PPARG: variants seen among roughly 807,000 people sequenced by gnomAD.
PPARG encodes peroxisome proliferator activated receptor gamma.
A neutral mutation model predicts 39.2 loss-of-function variants in PPARG; 17 were observed. That is an observed-to-expected ratio of 0.43 (90% CI 0.30 to 0.65). The LOEUF is 0.65. Among genes scored for constraint, PPARG ranks in the 30% least tolerant of loss-of-function variants. The probability of loss-of-function intolerance (pLI) is 0.13; values close to 1 mark genes in which losing one functional copy is unlikely to be tolerated. For missense variants in PPARG, 406 were observed against 585.9 expected, an observed-to-expected ratio of 0.69 and a Z score of 3.17; for synonymous variants, 223 against 215.7, an observed-to-expected ratio of 1.03 and a Z score of -0.30.
chr3:12,379,954 T>G (rs2049581065), intron 3 of PPARG, 23 bp downstream of exon 3: 1 of 1,552,866 alleles, frequency 6.4e-7, no homozygotes, highest in South Asian at 1.1e-5. Context: ...TTTTCACTTT[T>G]CAGACTACTA....
chr3:12,415,891 A>G (rs1559532667), intron 6 of PPARG, among the ~76,000 whole-genome samples: 1 of 152,240 alleles, frequency 6.6e-6, no homozygotes, highest in East Asian at 1.9e-4. Context: ...CGGAAAAGTT[A>G]TTACCTGTGA....
At chr3:12,419,994 TA>T (rs2051207488) in intron 7 of PPARG, among the ~76,000 whole-genome samples, 1 of 152,186 alleles carries the variant, frequency 6.6e-6, no homozygotes, top group Non-Finnish European at 1.5e-5. Context: ...CAGAAAGGTA[TA>T]AGTGAAAAGT....
chr3:12,319,315 A>C (rs2047474602), intron 2 of PPARG, among the ~76,000 whole-genome samples: 1 of 152,216 alleles, frequency 6.6e-6, no homozygotes, highest in Admixed American at 6.5e-5. Context: ...TAAAATAAGA[A>C]ATCTAAGGGA....
chr3:12,292,396 G>A (rs752012827), intron 1 of PPARG, among the ~76,000 whole-genome samples: 25 of 152,068 alleles, frequency 1.6e-4, no homozygotes, highest in Non-Finnish European at 3.2e-4. Context: ...GAGCAAGTTC[G>A]TTTTATAATG....
At chr3:12,356,530 C>T (rs1255400406) in intron 2 of PPARG, among the ~76,000 whole-genome samples, 1 of 152,224 alleles carries the variant, frequency 6.6e-6, no homozygotes, top group African/African-American at 2.4e-5. Flanking sequence ...TATTCCTCAT[C>T]ACCTCATGCC....
At chr3:12,339,802 G>C (rs1575018929) in intron 2 of PPARG, among the ~76,000 whole-genome samples, 1 of 152,202 alleles carries the variant, frequency 6.6e-6, no homozygotes, top group Non-Finnish European at 1.5e-5. Context: ...TCTGTTATCT[G>C]TGAATCTCTA....
chr3:12,295,544 G>A (rs748069787), intron 1 of PPARG, among the ~76,000 whole-genome samples: 10 of 147,142 alleles, frequency 6.8e-5, no homozygotes, highest in African/African-American at 1.3e-4. Context: ...ATGGAGTTTC[G>A]CTCTTGTTGC....
rs530109527 is a variant in PPARG at position 12,366,873 on chromosome 3, TG to T, written c.-8-12830del. Among the ~76,000 whole-genome samples the T allele has an allele frequency of 8.1e-4, 123 of 152,304 alleles. 1 individual carries two copies. Among genetic ancestry groups the T allele is most frequent in the African/African-American group, 2.9e-3 (120 of 41,572 alleles). On this transcript the variant is annotated intron_variant, in intron 2 of 7. Coordinates refer to ENST00000651735, the MANE Select transcript of PPARG (RefSeq NM_138711.6). ...TAGGGTTTATTTTCCTTGTAATGTCTGTTTTGTTTTAGTATTAGGGTAATTC... is the reference window on the plus strand; with the variant it reads ...TAGGGTTTATTTTCCTTGTAATGTCTTTTTGTTTTAGTATTAGGGTAATTC...
At chr3:12,309,534 G>A (rs1163153705) in intron 1 of PPARG, among the ~76,000 whole-genome samples, 3 of 152,126 alleles carry the variant, frequency 2.0e-5, no homozygotes, top group Admixed American at 6.6e-5. Context: ...TCAGTGTTAT[G>A]ACACTCCAGA....
chr3:12,406,938 C>T (rs556871058), intron 6 of PPARG: 1 of 152,356 alleles, frequency 6.6e-6, no homozygotes, highest in East Asian at 1.9e-4. Context: ...CTTCAGTGGA[C>T]TCTCCAACAT....
intron 2 of PPARG, chr3:12,371,754 A>T: frequency 1.9e-6 from 1 of 536,514 alleles, no homozygotes; most frequent in South Asian, 1.6e-5. Flanking sequence ...GTCAGCCTCT[A>T]GCTCACCAGG....
Position 12,433,970 on chromosome 3 carries a change from A to G in PPARG, c.1253A>G (p.Gln418Arg). Residue 418 changes from glutamine (Q) to arginine (R), a missense_variant, in exon 8 of 8, where the codon CAG (glutamine) becomes CGG (arginine). Gln to Arg is a conservative substitution (Grantham distance 43, BLOSUM62 1). Transcript: ENST00000651735. ...AACCTGCTACAAGCCCTGGAGCTCC[A>G]GCTGAAGCTGAACCACCCTGAGTCC... ...QDNLLQALEL[Q>R]LKLNHPESSQ... 6.2e-7 allele frequency: 1 copy of G among 1,614,244 alleles called. No individual in the cohort carries two copies. Among genetic ancestry groups the G allele is most frequent in the Non-Finnish European group, 8.5e-7 (1 of 1,180,040 alleles).
intron 4 of PPARG, among the ~76,000 whole-genome samples, chr3:12,383,323 A>AT (rs1256923680): frequency 6.6e-6 from 1 of 152,252 alleles, no homozygotes; most frequent in African/African-American, 2.4e-5. Context: ...AAGTTAAAAT[A>AT]TTTATGACCT....
Position 12,416,988 on chromosome 3 carries a change from C to T in PPARG, c.1014C>T (p.Leu338=), listed in dbSNP as rs1575141571. 1.9e-6 allele frequency: 3 copies of T among 1,614,006 alleles called. No homozygotes were observed. Among genetic ancestry groups the T allele is most frequent in the East Asian group, 2.2e-5 (1 of 44,864 alleles). ...LASLMNKDGV[L]ISEGQGFMTR... ...CCTTGATGAATAAAGATGGGGTTCT[C>T]ATATCCGAGGGCCAAGGCTTCATGA... The change falls in exon 7 of 8, where the codon CTC becomes CTT. Residue 338 remains leucine (L), a synonymous_variant. Transcript: ENST00000651735.
At chr3:12,413,329 C>G (rs986098605) in intron 6 of PPARG, among the ~76,000 whole-genome samples, 7 of 152,196 alleles carry the variant, frequency 4.6e-5, no homozygotes, top group Admixed American at 2.6e-4. Context: ...ACCCAGGGAT[C>G]ACTCTTGCAG....
chr3:12,419,804 T>C (rs893622955), intron 7 of PPARG, among the ~76,000 whole-genome samples: 19 of 152,162 alleles, frequency 1.2e-4, no homozygotes, highest in Admixed American at 1.2e-3. Context: ...TTATTTTTAA[T>C]AAAATTTGAA....
At chr3:12,389,179 A>G (rs1164074908) in intron 4 of PPARG, among the ~76,000 whole-genome samples, 1 of 152,164 alleles carries the variant, frequency 6.6e-6, no homozygotes, top group Non-Finnish European at 1.5e-5. Flanking sequence ...TGCCAGTGTA[A>G]TTATATATTT....
In PPARG at chr3:12,392,685, A is replaced by G; in HGVS notation, c.462A>G (p.Lys154=). The change falls in exon 5 of 8, where the codon AAA becomes AAG. Residue 154 remains lysine (K), a synonymous_variant. Coordinates refer to ENST00000651735, the MANE Select transcript of PPARG (RefSeq NM_138711.6). The stretch of plus-strand genomic sequence containing the variant: ...GTGATCTTAACTGTCGGATCCACAA[A>G]AAAAGTAGAAATAAATGTCAGTACT... ...DRCDLNCRIH[K]KSRNKCQYCR... is the part of the protein sequence containing the mutation. 6.2e-7 allele frequency: 1 copy of G among 1,613,928 alleles called. No homozygotes were observed.
chr3:12,426,639 T>C (rs940145590), intron 7 of PPARG, among the ~76,000 whole-genome samples: 13 of 151,138 alleles, frequency 8.6e-5, no homozygotes, highest in African/African-American at 3.2e-4. Flanking sequence ...CCCAAGAAAA[T>C]CAGAGAAATG....
Sources: gnomAD v4.1 joint callset for allele counts (sites outside exome capture counted in the v4.1 genomes callset) on GRCh38, gnomAD v4.1.1 for gene constraint, MANE v1.5 for transcripts, NCBI Gene and HGNC (gene_info 2026-07-23, HGNC 2026-07-21) for gene names.